The following DCBLD2 variants were observed in gnomAD, a reference collection of about 807,000 sequenced individuals.
DCBLD2 encodes the protein discoidin, CUB and LCCL domain containing 2, also known as discoidin, CUB and LCCL domain-containing protein 2.
In DCBLD2, 54 loss-of-function variants were observed where a neutral mutation model predicts 86.8. The observed-to-expected ratio is 0.62, with a 90% confidence interval of 0.50 to 0.78. The LOEUF is 0.78. DCBLD2 is among the 30% of genes least tolerant of loss of function. The pLI is 0.00. For missense variants in DCBLD2, 908 were observed against 954.2 expected, an observed-to-expected ratio of 0.95 and a Z score of 0.64; for synonymous variants, 354 against 341.3, an observed-to-expected ratio of 1.04 and a Z score of -0.41.
chr3:98,848,927 T>C (rs897479693), intron 3 of DCBLD2, among the ~76,000 whole-genome samples: 5 of 152,176 alleles, frequency 3.3e-5, no homozygotes, highest in South Asian at 2.1e-4. Flanking sequence ...CCCAGCACTT[T>C]GGGAGGCCGA....
At chr3:98,875,770 TATG>T (rs1447178026) in intron 2 of DCBLD2, among the ~76,000 whole-genome samples, 2 of 152,248 alleles carry the variant, frequency 1.3e-5, no homozygotes, top group African/African-American at 4.8e-5. Flanking sequence ...AACTGCAGTA[TATG>T]ATAAAGGCAG....
At chr3:98,858,590 A>G (rs991108604) in intron 2 of DCBLD2, among the ~76,000 whole-genome samples, 17 of 152,274 alleles carry the variant, frequency 1.1e-4, no homozygotes, top group Non-Finnish European at 2.4e-4. Context: ...CATAGCAAAG[A>G]AAACAATCAA....
rs756753692 is a variant in DCBLD2, at chr3:98,797,643, G to A, written c.*1729C>T. The A allele has an allele frequency of 2.6e-5, 4 of 152,108 alleles. No individual in the cohort carries two copies. The highest frequency in any genetic ancestry group is 1.3e-4 in the Admixed American group (2 of 15,274). The allele number at this position is 152,108 out of a possible 1,614,324, so 9.4% of individuals were successfully genotyped here. ...TCAATGAATGAAATCACGCCTCAAA[G>A]TTTGGAGAAGGAAAAGCCAGTGAAA... On this transcript the variant is annotated 3_prime_UTR_variant, in exon 16 of 16. Coordinates refer to ENST00000326840, the MANE Select transcript of DCBLD2 (RefSeq NM_080927.4).
chr3:98,856,156 T>C lies in DCBLD2; in HGVS notation c.434-6558A>G, dbSNP rs1942927348. ...ACTACTTAGGAGATGTCAAAACCTT[T>C]TAATATTCACTTAAAAGGCTCACAA... is the stretch of plus-strand genomic sequence containing the variant. On this transcript the variant is annotated intron_variant, in intron 2 of 15. Transcript: ENST00000326840. Among the ~76,000 whole-genome samples the C allele has an allele frequency of 2.0e-5, 3 of 152,180 alleles. No individual in the cohort carries two copies. In the East Asian group the frequency reaches 5.8e-4, roughly 29 times the overall value.
intron 2 of DCBLD2, among the ~76,000 whole-genome samples, chr3:98,862,539 T>C (rs1209043528): frequency 6.6e-6 from 1 of 152,202 alleles, no homozygotes; most frequent in Non-Finnish European, 1.5e-5. Flanking sequence ...GTGGGCTTCA[T>C]CTCTGGGATG....
intron 2 of DCBLD2, among the ~76,000 whole-genome samples, chr3:98,853,688 T>C (rs747171020): frequency 2.0e-5 from 3 of 152,226 alleles, no homozygotes; most frequent in Non-Finnish European, 4.4e-5. Flanking sequence ...ACATTCTGTA[T>C]TCAAAAGAGG....
chr3:98,882,152 A>G (rs1943483317), intron 1 of DCBLD2, among the ~76,000 whole-genome samples: 1 of 152,220 alleles, frequency 6.6e-6, no homozygotes, highest in Admixed American at 6.5e-5. Flanking sequence ...ATCTATTCAC[A>G]GGAGGCAAGA....
At chr3:98,830,318 T>C (rs571046363) in intron 3 of DCBLD2, among the ~76,000 whole-genome samples, 72 of 152,336 alleles carry the variant, frequency 4.7e-4, no homozygotes, top group African/African-American at 1.5e-3. Flanking sequence ...TGACAGTTCC[T>C]ATGACAGAAT....
chr3:98,868,197 A>G (rs1943193907), intron 2 of DCBLD2, among the ~76,000 whole-genome samples: 2 of 152,220 alleles, frequency 1.3e-5, no homozygotes, highest in African/African-American at 4.8e-5. Flanking sequence ...AGTTTTAAAC[A>G]TGCAAAATCT....
Position 98,901,349 on chromosome 3 carries a change from G to A in DCBLD2, c.-23C>T. 1 of 1,356,850 alleles carries A rather than the reference G, an allele frequency of 7.4e-7. No homozygotes were observed. The highest frequency in any genetic ancestry group is 9.4e-7 in the Non-Finnish European group (1 of 1,065,000). 84.1% of individuals were successfully genotyped at this position (1,356,850 alleles called of 1,614,324 possible). ...CATCGCGGCGGCCGGCAGTCTGCCT[G>A]CATAGTGCGGGTGCCTCGGCAGCCC... On this transcript the variant is annotated 5_prime_UTR_variant, in exon 1 of 16. The change creates a premature stop within an existing upstream ORF in the 5' untranslated region. Transcript: ENST00000326840.
chr3:98,850,858 AT>A (rs1437820071), intron 2 of DCBLD2, among the ~76,000 whole-genome samples: 1 of 152,216 alleles, frequency 6.6e-6, no homozygotes, highest in African/African-American at 2.4e-5. Context: ...CTGAAATGAA[AT>A]TTTTAAAACT....
At chr3:98,825,510 C>A (rs1942199260) in intron 3 of DCBLD2, 144 bp from the exon 4 acceptor site, 3 of 633,364 alleles carry the variant, frequency 4.7e-6, no homozygotes, top group East Asian at 6.5e-5. Context: ...AAAAACTTTG[C>A]CAACTTTTGT....
chr3:98,881,786 G>C lies in DCBLD2; in HGVS notation c.206-19C>G, dbSNP rs766359745. ...CCATCACCTTTAAAAAAAGTGAAAA[G>C]AATGATAAATTATTCTCACATATTT... On this transcript the variant is annotated intron_variant, in intron 1 of 15. Transcript: ENST00000326840. 3 of 1,576,020 alleles carry C rather than the reference G, an allele frequency of 1.9e-6. No homozygotes were observed. The highest frequency in any genetic ancestry group is 1.4e-5 in the African/African-American group (1 of 74,036).
intron 2 of DCBLD2, among the ~76,000 whole-genome samples, chr3:98,852,885 T>G (rs1225436888): frequency 6.6e-6 from 1 of 151,714 alleles, no homozygotes; most frequent in Non-Finnish European, 1.5e-5. Flanking sequence ...ACTAGTACAC[T>G]TGGAAGAGAA....
intron 3 of DCBLD2, among the ~76,000 whole-genome samples, chr3:98,839,110 TTTCTTTCTTTTTC>T (rs1942556890): frequency 9.6e-6 from 1 of 104,588 alleles, no homozygotes; most frequent in Non-Finnish European, 2.1e-5. Flanking sequence ...CCCTTCTTTC[TTTCTTTCTTTTTC>T]TTTCTTTCCT....
intron 3 of DCBLD2, among the ~76,000 whole-genome samples, chr3:98,836,589 G>C (rs1039865022): frequency 1.4e-5 from 2 of 148,070 alleles, no homozygotes; most frequent in South Asian, 2.1e-4. Context: ...ATCCTGGCCC[G>C]TTCTCAATGA....
chr3:98,861,909 A>C (rs1238903256), intron 2 of DCBLD2, among the ~76,000 whole-genome samples: 2 of 152,202 alleles, frequency 1.3e-5, no homozygotes, highest in African/African-American at 2.4e-5. Flanking sequence ...GACACAAAAA[A>C]ACCTTCAAAA....
chr3:98,886,441 C>CT (rs1475379493), intron 1 of DCBLD2, among the ~76,000 whole-genome samples: 1 of 151,936 alleles, frequency 6.6e-6, no homozygotes, highest in African/African-American at 2.4e-5. Context: ...TAAAACTACT[C>CT]TTGGAAAAAA....
At chr3:98,827,282 C>T (rs1942240774) in intron 3 of DCBLD2, among the ~76,000 whole-genome samples, 1 of 152,136 alleles carries the variant, frequency 6.6e-6, no homozygotes, top group Non-Finnish European at 1.5e-5. Flanking sequence ...CAACAAGAAT[C>T]AATTTTCCAC....
Sources: allele counts gnomAD v4.1 joint callset (sites outside exome capture counted in the v4.1 genomes callset), GRCh38; gene constraint gnomAD v4.1.1; transcripts MANE v1.5; gene names NCBI Gene and HGNC (gene_info 2026-07-23, HGNC 2026-07-21).